Variants in MAP7D1 observed in about 807,000 individuals in gnomAD.
The protein encoded by MAP7D1 is MAP7 domain-containing protein 1.
MAP7D1 carries 30 observed loss-of-function variants against 97.5 expected under a neutral mutation model. The ratio of observed to expected loss-of-function variants is 0.31; its 90% CI spans 0.23 to 0.42. The LOEUF is 0.42. Among genes scored for constraint, MAP7D1 ranks in the 10% least tolerant of loss-of-function variants. The pLI is 1.00. For synonymous variants in MAP7D1, 536 were observed against 477.1 expected, an observed-to-expected ratio of 1.12 and a Z score of -1.61; for missense variants, 1,184 against 1,179.5, an observed-to-expected ratio of 1.00 and a Z score of -0.06.
chr1:36,180,807 C>G lies in MAP7D1; in HGVS notation c.*549C>G, dbSNP rs1004702614. 1.8e-5 allele frequency: 3 copies of G among 162,836 alleles called. No individual in the cohort carries two copies. The highest frequency in any genetic ancestry group is 7.2e-5 in the African/African-American group (3 of 41,628). The allele number at this position is 162,836 out of a possible 1,614,324, so 10.1% of individuals were successfully genotyped here. On this transcript the variant is annotated 3_prime_UTR_variant, in exon 17 of 17. Coordinates refer to ENST00000474796, the MANE Select transcript of MAP7D1 (RefSeq NM_001388490.1). ...CCCTCGCCTGGAATCAGTGTTACTG[C>G]ATCTGATTAAATGTCTCCAGAAATA...
At chr1:36,162,124 T>C (rs911431969) in intron 1 of MAP7D1, among the ~76,000 whole-genome samples, 32 of 152,148 alleles carry the variant, frequency 2.1e-4, no homozygotes, top group Non-Finnish European at 7.3e-5. Context: ...TTCTGTCTTC[T>C]CTCGGCCTCG....
chr1:36,176,344 A>G lies in MAP7D1; in HGVS notation c.996A>G (p.Arg332=). The part of the protein sequence containing the change: ...RDQGRGCDPG[R]GPTWGRAGAS... Reference sequence around the variant, plus strand: ...AGGGTAGGGGCTGCGACCCTGGGAGAGGCCCCACGTGGGGCCGGGCAGGGG... The same window carrying G: ...AGGGTAGGGGCTGCGACCCTGGGAGGGGCCCCACGTGGGGCCGGGCAGGGG... Residue 332 remains arginine, a synonymous_variant, in exon 7 of 17, where the codon AGA becomes AGG. Transcript: ENST00000474796. The surrounding 1 kb of genome is among the most constrained non-coding windows in gnomAD (Gnocchi z 6.1). 1 of 1,528,918 alleles carries G rather than the reference A, an allele frequency of 6.5e-7. No homozygotes were observed. The highest frequency in any genetic ancestry group is 8.8e-7 in the Non-Finnish European group (1 of 1,140,670). 94.7% of individuals were successfully genotyped at this position (1,528,918 alleles called of 1,614,324 possible). A position where few individuals can be genotyped will look rare whatever the true frequency, so the allele number is the denominator to read the frequency against.
chr1:36,166,859 TA>T, intron 1 of MAP7D1, among the ~76,000 whole-genome samples: 1 of 152,278 alleles, frequency 6.6e-6, no homozygotes, highest in Non-Finnish European at 1.5e-5. Flanking sequence ...GTTTTGAAGA[TA>T]AAGGCAGAAG....
rs1345457583 is a variant in MAP7D1 at position 36,176,337 on chromosome 1, C to T, written c.989C>T (p.Pro330Leu). The part of the protein sequence containing the change: ...NGRDQGRGCD[P>L]GRGPTWGRAG... ...CGGGACCAGGGTAGGGGCTGCGACC[C>T]TGGGAGAGGCCCCACGTGGGGCCGG... Residue 330 changes from proline (P) to leucine (L), a missense_variant, in exon 7 of 17, where the codon CCT becomes CTT. By Grantham distance (98) the Pro-to-Leu change is moderately conservative. Coordinates refer to ENST00000474796, the MANE Select transcript of MAP7D1 (RefSeq NM_001388490.1). This position sits in a 1 kb window ranked among gnomAD's most constrained non-coding sequence, Gnocchi z 6.1. 3 of 1,531,186 alleles carry T rather than the reference C, an allele frequency of 2.0e-6. No individual in the cohort carries two copies. The highest frequency in any genetic ancestry group is 1.8e-6 in the Non-Finnish European group (2 of 1,141,482). The allele number at this position is 1,531,186 out of a possible 1,614,324, so 94.8% of individuals were successfully genotyped here. A position where few individuals can be genotyped will look rare whatever the true frequency, so the allele number is the denominator to read the frequency against.
At position 36,176,101 on chromosome 1, in the gene MAP7D1, G is replaced by T; in HGVS notation, c.851-98G>T. The T allele has an allele frequency of 1.4e-6, 2 of 1,383,944 alleles. No individual in the cohort carries two copies. Among genetic ancestry groups the T allele is most frequent in the Non-Finnish European group, 2.0e-6 (2 of 1,022,636 alleles). 85.7% of individuals were successfully genotyped at this position (1,383,944 alleles called of 1,614,324 possible). On this transcript the variant is annotated intron_variant, in intron 6 of 16. Coordinates refer to ENST00000474796, the MANE Select transcript of MAP7D1 (RefSeq NM_001388490.1). The surrounding 1 kb of genome is among the most constrained non-coding windows in gnomAD (Gnocchi z 6.1). ...AGAGGACTCCCGGGTGAGAAGCCTT[G>T]GCCTTGGCATGGGGATGGTGCCTGG... is the stretch of plus-strand genomic sequence containing the variant.
intron 1 of MAP7D1, among the ~76,000 whole-genome samples, chr1:36,162,975 G>A (rs1318367405): frequency 6.6e-6 from 1 of 152,134 alleles, no homozygotes; most frequent in Non-Finnish European, 1.5e-5. Context: ...ACAAGGGCAG[G>A]GGGTGGCAGG....
In MAP7D1 at chr1:36,179,868, CCA is replaced by C. The variant is rs1376901703; in HGVS notation, c.2319-3_2319-2del. 1 of 1,609,542 alleles carries C rather than the reference CCA, an allele frequency of 6.2e-7. No homozygotes were observed. The highest frequency in any genetic ancestry group is 1.3e-5 in the African/African-American group (1 of 74,876). On this transcript the variant is annotated splice_region_variant and splice_polypyrimidine_tract_variant and intron_variant, in intron 15 of 16. Coordinates refer to ENST00000474796, the MANE Select transcript of MAP7D1 (RefSeq NM_001388490.1). ...AGGTGCTGAGCCTTGGCCTCTGCAT[CCA>C]CAGTCTCCCAAGCAAGGAGTTGCCA...
Position 36,176,557 on chromosome 1 carries a change from G to A in MAP7D1, c.1209G>A (p.Val403=). ...KPNAGGSPAP[V]RRRPEASPVQ... is the part of the protein sequence containing the mutation. ...ACGCCGGGGGCAGCCCCGCTCCGGT[G>A]CGCCGCCGGCCGGAGGCCTCGCCGG... The change falls in exon 7 of 17, where the codon GTG becomes GTA. Residue 403 remains valine (V), a synonymous_variant. Coordinates refer to ENST00000474796, the MANE Select transcript of MAP7D1 (RefSeq NM_001388490.1). The surrounding 1 kb of genome is among the most constrained non-coding windows in gnomAD (Gnocchi z 6.1). 1 of 1,467,274 alleles carries A rather than the reference G, an allele frequency of 6.8e-7. No homozygotes were observed. The highest frequency in any genetic ancestry group is 9.0e-7 in the Non-Finnish European group (1 of 1,110,166). The allele number at this position is 1,467,274 out of a possible 1,614,324, so 90.9% of individuals were successfully genotyped here.
At chr1:36,157,640 C>T (rs1644355495) in intron 1 of MAP7D1, among the ~76,000 whole-genome samples, 1 of 152,182 alleles carries the variant, frequency 6.6e-6, no homozygotes, top group South Asian at 2.1e-4. Context: ...ATCCCCACAC[C>T]CCCATGGAGT....
Position 36,176,123 on chromosome 1 carries a change from C to CT in MAP7D1, c.851-75dup. 1 of 1,534,692 alleles carries CT rather than the reference C, an allele frequency of 6.5e-7. No homozygotes were observed. The highest frequency in any genetic ancestry group is 8.8e-7 in the Non-Finnish European group (1 of 1,137,554). ...CTTGGCCTTGGCATGGGGATGGTGC[C>CT]TGGTCTGCTCCCTTGCCTCTTCCTG... On this transcript the variant is annotated intron_variant, in intron 6 of 16. Coordinates refer to ENST00000474796, the MANE Select transcript of MAP7D1 (RefSeq NM_001388490.1). The surrounding 1 kb of genome is among the most constrained non-coding windows in gnomAD (Gnocchi z 6.1).
rs2124243829 is a variant in MAP7D1 at position 36,176,517 on chromosome 1, A to G, written c.1169A>G (p.Glu390Gly). ...TGCGCCCCCGCCGGTGAGCGCGGGGAGCGCCGCAAGCCCAACGCCGGGGGC... is the reference window on the plus strand; with the variant it reads ...TGCGCCCCCGCCGGTGAGCGCGGGGGGCGCCGCAAGCCCAACGCCGGGGGC... ...HRCAPAGERG[E>G]RRKPNAGGSP... The change falls in exon 7 of 17, where the codon GAG becomes GGG. Residue 390 changes from glutamate (E) to glycine (G), a missense_variant. Coordinates refer to ENST00000474796, the MANE Select transcript of MAP7D1 (RefSeq NM_001388490.1). This position sits in a 1 kb window ranked among gnomAD's most constrained non-coding sequence, Gnocchi z 6.1. 7.3e-7 allele frequency: 1 copy of G among 1,378,290 alleles called. No individual in the cohort carries two copies. The highest frequency in any genetic ancestry group is 9.4e-7 in the Non-Finnish European group (1 of 1,067,676). The allele number at this position is 1,378,290 out of a possible 1,614,324, so 85.4% of individuals were successfully genotyped here. A position where few individuals can be genotyped will look rare whatever the true frequency, so the allele number is the denominator to read the frequency against.
chr1:36,178,357 C>G, intron 9 of MAP7D1, 62 bp from the exon 10 acceptor site: 1 of 1,543,830 alleles, frequency 6.5e-7, no homozygotes, highest in Non-Finnish European at 8.8e-7. Flanking sequence ...ACACAGGCCG[C>G]TGGGAGATGA....
chr1:36,177,638 A>T, intron 8 of MAP7D1: 1 of 759,660 alleles, frequency 1.3e-6, no homozygotes, highest in Non-Finnish European at 2.3e-6. Flanking sequence ...TTCTCTTATT[A>T]AGCTTACAGG....
chr1:36,166,412 CAG>C (rs1469769949), intron 1 of MAP7D1, among the ~76,000 whole-genome samples: 6 of 134,780 alleles, frequency 4.5e-5, no homozygotes, highest in Non-Finnish European at 6.2e-5. Flanking sequence ...TTTTTTGAGA[CAG>C]AGTCTCCTTC....
Position 36,171,262 on chromosome 1 carries a change from G to C in MAP7D1, c.338G>C (p.Ser113Thr). The C allele has an allele frequency of 6.3e-7, 1 of 1,594,496 alleles. No individual in the cohort carries two copies. The highest frequency in any genetic ancestry group is 1.1e-5 in the South Asian group (1 of 88,512). ...PRDARPPRRS[S>T]QPSPTAVPAS... ...GATGCCAGACCTCCTCGAAGGAGCAGCCAGCCATCTCCAACAGCAGTGCCA... is the reference window on the plus strand; with the variant it reads ...GATGCCAGACCTCCTCGAAGGAGCACCCAGCCATCTCCAACAGCAGTGCCA... Residue 113 changes from serine to threonine, a missense_variant, in exon 2 of 17, where the codon AGC becomes ACC. By Grantham distance (58) the Ser-to-Thr change is moderately conservative (BLOSUM62 1). Coordinates refer to ENST00000474796, the MANE Select transcript of MAP7D1 (RefSeq NM_001388490.1).
chr1:36,171,009 C>A lies in MAP7D1; in HGVS notation c.85C>A (p.Pro29Thr). Residue 29 changes from proline (P) to threonine (T), a missense_variant, in exon 2 of 17, where the codon CCA becomes ACA. Physicochemically the swap from Pro to Thr is conservative, Grantham distance 38 (BLOSUM62 -1). Transcript: ENST00000474796. ...GACCCCCCCAGAGCCAAGACCTTCT[C>A]CAGAAGGTGACCCTTCCCCCCCACC... ...ARTPPEPRPS[P>T]EGDPSPPPPP... 6.4e-7 allele frequency: 1 copy of A among 1,567,204 alleles called. No individual in the cohort carries two copies. Among genetic ancestry groups the A allele is most frequent in the East Asian group, 2.3e-5 (1 of 44,444 alleles).
chr1:36,156,793 G>A (rs1644337504), intron 1 of MAP7D1, among the ~76,000 whole-genome samples: 1 of 152,106 alleles, frequency 6.6e-6, no homozygotes, highest in Non-Finnish European at 1.5e-5. Flanking sequence ...TTCACCCCGG[G>A]CCTTGAAGAT....
chr1:36,176,590 C>T lies in MAP7D1; in HGVS notation c.1233+9C>T, dbSNP rs1490436971. On this transcript the variant is annotated intron_variant, in intron 7 of 16. Coordinates refer to ENST00000474796, the MANE Select transcript of MAP7D1 (RefSeq NM_001388490.1). The surrounding 1 kb of genome is among the most constrained non-coding windows in gnomAD (Gnocchi z 6.1). Reference sequence around the variant, plus strand: ...GGCCGGAGGCCTCGCCGGTGAGTGGCTCTACTGGCTCGAGTGGCCGCGCAG... The same window carrying T: ...GGCCGGAGGCCTCGCCGGTGAGTGGTTCTACTGGCTCGAGTGGCCGCGCAG... The T allele has an allele frequency of 6.6e-7, 1 of 1,525,490 alleles. No individual in the cohort carries two copies. Among genetic ancestry groups the T allele is most frequent in the Admixed American group, 2.0e-5 (1 of 49,506 alleles). 94.5% of individuals were successfully genotyped at this position (1,525,490 alleles called of 1,614,324 possible).
Position 36,174,919 on chromosome 1 carries a change from C to T in MAP7D1, c.761C>T (p.Ser254Leu). The change falls in exon 6 of 17, where the codon TCG (serine) becomes TTG (leucine). Residue 254 changes from serine (S) to leucine (L), a missense_variant. By Grantham distance (145) the Ser-to-Leu change is moderately radical. Transcript: ENST00000474796. The part of the protein sequence containing the change: ...HKTSGSRCSV[S>L]AVNLPKHVDS... ...CCAGGTGGGAGCAGGTGCTCCGTGT[C>T]GGCAGTTAACCTGCCCAAACACGTG... 1 of 1,612,598 alleles carries T rather than the reference C, an allele frequency of 6.2e-7. No homozygotes were observed. Among genetic ancestry groups the T allele is most frequent in the Non-Finnish European group, 8.5e-7 (1 of 1,178,752 alleles).
Sources: gnomAD v4.1 joint callset for allele counts (sites outside exome capture counted in the v4.1 genomes callset) on GRCh38, gnomAD v4.1.1 for gene constraint, Gnocchi (gnomAD v3.1) non-coding constraint, MANE v1.5 for transcripts, NCBI Gene and HGNC (gene_info 2026-07-23, HGNC 2026-07-21) for gene names.